NRXN1: variants seen among roughly 807,000 people sequenced by gnomAD.
The protein encoded by NRXN1 is neurexin 1.
NRXN1 carries 39 observed loss-of-function variants against 150.9 expected under a neutral mutation model. That is an observed-to-expected ratio of 0.26 (90% CI 0.20 to 0.34). The LOEUF is 0.34. NRXN1 is among the 10% of genes least tolerant of loss of function. The pLI is 1.00. For missense variants in NRXN1, 1,815 were observed against 1,949.9 expected (o/e 0.93, Z 1.30); for synonymous variants, 924 against 757.0 (o/e 1.22, Z -3.62).
chr2:50,559,606 T>C (rs886248437), intron 8 of NRXN1, among the ~76,000 whole-genome samples: 2 of 152,280 alleles, frequency 1.3e-5, no homozygotes, highest in Non-Finnish European at 2.9e-5. Context: ...TCAACACATA[T>C]ACACATAGAC....
At chr2:50,581,206 C>A (rs1672211890) in intron 8 of NRXN1, among the ~76,000 whole-genome samples, 1 of 152,144 alleles carries the variant, frequency 6.6e-6, no homozygotes, top group Admixed American at 6.5e-5. Flanking sequence ...GTCTGGCACT[C>A]AAACATATAT....
chr2:50,619,939 G>A, intron 8 of NRXN1, 83 bp downstream of exon 8: 3 of 1,260,562 alleles, frequency 2.4e-6, no homozygotes, highest in Non-Finnish European at 1.1e-6. Flanking sequence ...GGAACATCGG[G>A]TCTTCAGCAA....
At chr2:50,993,346 C>G (rs986758048) in intron 2 of NRXN1, among the ~76,000 whole-genome samples, 3 of 151,786 alleles carry the variant, frequency 2.0e-5, no homozygotes, top group Non-Finnish European at 4.4e-5. Flanking sequence ...TGCCATACTG[C>G]CCCAAAGATT....
rs370265037 is a variant in NRXN1 at position 50,058,849 on chromosome 2, C to G, written c.3719-3805G>C. On this transcript the variant is annotated intron_variant, in intron 19 of 22. Transcript: ENST00000401669. ...TGTCACCAAGTAAGACATGACTTTG[C>G]TCCTCCTTCACCTTCTGCCATGATT... Among the ~76,000 whole-genome samples the G allele has an allele frequency of 1.1e-4, 17 of 152,274 alleles. No individual in the cohort carries two copies. The East Asian group carries it at 3.1e-3, about 28-fold the overall frequency.
At chr2:50,251,776 T>C (rs576390270) in intron 17 of NRXN1, among the ~76,000 whole-genome samples, 4 of 152,342 alleles carry the variant, frequency 2.6e-5, no homozygotes, top group East Asian at 3.9e-4. Context: ...ATTTCTCTAA[T>C]GATCAGTGAT....
chr2:50,224,675 GAGAGAGAGAGAGGGAGAA>G lies in NRXN1; in HGVS notation c.3546+12096_3546+12113del, dbSNP rs1405135775. 2.1e-4 allele frequency among the ~76,000 whole-genome samples: 29 copies of G among 138,810 alleles called. 1 individual carries two copies. Among genetic ancestry groups the G allele is most frequent in the African/African-American group, 8.1e-4 (28 of 34,488 alleles). 91.1% of individuals were successfully genotyped at this position (138,810 alleles called of 152,430 possible). On this transcript the variant is annotated intron_variant, in intron 18 of 22. Transcript: ENST00000401669. Reference sequence around the variant, plus strand: ...GAGGTTGGCACAGCAGAAGATTAAAGAGAGAGAGAGAGGGAGAAAGAGAGAGAGAGAGAGAGAGAGAGA... The same window carrying G: ...GAGGTTGGCACAGCAGAAGATTAAAGAGAGAGAGAGAGAGAGAGAGAGAGA...
At chr2:50,386,849 T>G (rs1381148354) in intron 17 of NRXN1, among the ~76,000 whole-genome samples, 1 of 152,142 alleles carries the variant, frequency 6.6e-6, no homozygotes, top group African/African-American at 2.4e-5. Flanking sequence ...TGCTTGTATT[T>G]AGTGTTATGC....
At chr2:50,535,895 T>C (rs1205304405) in intron 10 of NRXN1, among the ~76,000 whole-genome samples, 1 of 152,172 alleles carries the variant, frequency 6.6e-6, no homozygotes, top group African/African-American at 2.4e-5. Context: ...ATTATTTTCA[T>C]AAATTATAAA....
intron 17 of NRXN1, among the ~76,000 whole-genome samples, chr2:50,258,043 G>A (rs2152907001): frequency 6.6e-6 from 1 of 152,080 alleles, no homozygotes; most frequent in South Asian, 2.1e-4. Flanking sequence ...CCTTTAGCAA[G>A]CTGTAATATT....
chr2:50,308,293 C>CTATATATA (rs2074834016), intron 17 of NRXN1, among the ~76,000 whole-genome samples: 1 of 151,902 alleles, frequency 6.6e-6, no homozygotes, highest in Non-Finnish European at 1.5e-5. Context: ...AACTACCTTT[C>CTATATATA]TACTGTTTCT....
intron 21 of NRXN1, among the ~76,000 whole-genome samples, chr2:49,967,893 A>G (rs1677230654): frequency 1.3e-5 from 2 of 152,034 alleles, no homozygotes; most frequent in Non-Finnish European, 2.9e-5. Flanking sequence ...AGAGCTATTC[A>G]GTTTAATGTT....
At chr2:51,009,596 C>A (rs996269309) in intron 2 of NRXN1, among the ~76,000 whole-genome samples, 5 of 151,928 alleles carry the variant, frequency 3.3e-5, no homozygotes, top group Non-Finnish European at 4.4e-5. Flanking sequence ...TGATAACATA[C>A]ATGTGTATGA....
chr2:50,613,807 G>A (rs114597568), intron 8 of NRXN1, among the ~76,000 whole-genome samples: 2,466 of 152,050 alleles, frequency 0.016, 65 homozygotes, highest in African/African-American at 0.056. Flanking sequence ...GCATGGTGAC[G>A]GGCACTTGTA....
chr2:50,031,788 G>T (rs1220447706), intron 21 of NRXN1, among the ~76,000 whole-genome samples: 1 of 152,080 alleles, frequency 6.6e-6, no homozygotes, highest in African/African-American at 2.4e-5. Context: ...TTGTTTGGAA[G>T]TTAAACCCTT....
chr2:50,207,233 T>A (rs1056543119), intron 18 of NRXN1, among the ~76,000 whole-genome samples: 3 of 152,064 alleles, frequency 2.0e-5, no homozygotes, highest in Non-Finnish European at 4.4e-5. Flanking sequence ...AATCTTTCCA[T>A]GTTAGAACAG....
intron 2 of NRXN1, among the ~76,000 whole-genome samples, chr2:50,997,387 A>C (rs1393408683): frequency 6.6e-6 from 1 of 152,088 alleles, no homozygotes; most frequent in East Asian, 1.9e-4. Context: ...ACAAACAAAA[A>C]AAGATACTCT....
At chr2:49,977,643 G>A (rs921233299) in intron 21 of NRXN1, among the ~76,000 whole-genome samples, 1 of 152,172 alleles carries the variant, frequency 6.6e-6, no homozygotes, top group African/African-American at 2.4e-5. Context: ...AACAGCAAGT[G>A]AGGATGAAGA....
chr2:50,443,089 T>C (rs751670112), intron 17 of NRXN1, among the ~76,000 whole-genome samples: 17 of 152,084 alleles, frequency 1.1e-4, no homozygotes, highest in Middle Eastern at 3.2e-3. Context: ...TCACAGAGCT[T>C]GGCTGTGAAG....
intron 5 of NRXN1, among the ~76,000 whole-genome samples, chr2:50,645,416 C>G (rs77874851): frequency 2.0e-5 from 3 of 151,908 alleles, no homozygotes; most frequent in African/African-American, 4.8e-5. Context: ...CTGCATCTGT[C>G]TACCTCTTTA....
Sources: allele counts gnomAD v4.1 joint callset (sites outside exome capture counted in the v4.1 genomes callset), GRCh38; gene constraint gnomAD v4.1.1; transcripts MANE v1.5; gene names NCBI Gene and HGNC (gene_info 2026-07-23, HGNC 2026-07-21).